Variants in ADAM12 observed in about 807,000 individuals in gnomAD.
ADAM12 encodes disintegrin and metalloproteinase domain-containing protein 12.
In ADAM12, 70 loss-of-function variants were observed where a neutral mutation model predicts 106.4. The observed-to-expected ratio is 0.66, with a 90% confidence interval of 0.54 to 0.80. The LOEUF is 0.80. ADAM12 is among the 30% of genes least tolerant of loss of function. The pLI is 0.00. For synonymous variants in ADAM12, 420 were observed against 433.5 expected, an observed-to-expected ratio of 0.97 and a Z score of 0.39; for missense variants, 1,010 against 1,171.9, an observed-to-expected ratio of 0.86 and a Z score of 2.02.
At position 126,013,124 on chromosome 10, in the gene ADAM12, A is replaced by C. The variant is rs1331042423; in HGVS notation, c.*4155T>G. 2 of 152,176 alleles carry C rather than the reference A, an allele frequency of 1.3e-5. No homozygotes were observed. Among genetic ancestry groups the C allele is most frequent in the African/African-American group, 4.8e-5 (2 of 41,430 alleles). The allele number at this position is 152,176 out of a possible 1,614,324, so 9.4% of individuals were successfully genotyped here. A position where few individuals can be genotyped will look rare whatever the true frequency, so the allele number is the denominator to read the frequency against. ...TTATTGGATATTTTAACAATTTTATAGTTATTCTTAATTTTTCTCATATGA... is the reference window on the plus strand; with the variant it reads ...TTATTGGATATTTTAACAATTTTATCGTTATTCTTAATTTTTCTCATATGA... On this transcript the variant is annotated 3_prime_UTR_variant, in exon 23 of 23. Transcript: ENST00000448723. This position sits in a 1 kb window ranked among gnomAD's most constrained non-coding sequence, Gnocchi z 4.3.
rs184093022 is a variant in ADAM12, at chr10:126,150,101, C to G, written c.339+5126G>C. On this transcript the variant is annotated intron_variant, in intron 4 of 22. Coordinates refer to ENST00000448723, the MANE Select transcript of ADAM12 (RefSeq NM_001288973.2). ...ACATTCTAGAGATGTCTGTATTAGA[C>G]AAGCACTGTTCACCATCATAGATCG... 2.0e-5 allele frequency among the ~76,000 whole-genome samples: 3 copies of G among 152,322 alleles called. No homozygotes were observed. In the East Asian group the frequency reaches 5.8e-4, roughly 29 times the overall value.
At position 126,122,880 on chromosome 10, in the gene ADAM12, G is replaced by A. The variant is rs141302176; in HGVS notation, c.417-4656C>T. ...ATTGCAACATTTTCTATTTTACATC[G>A]GATCTAAATAAGCTGAACACTTAAC... is the stretch of plus-strand genomic sequence containing the variant. On this transcript the variant is annotated intron_variant, in intron 5 of 22. Coordinates refer to ENST00000448723, the MANE Select transcript of ADAM12 (RefSeq NM_001288973.2). 2.3e-3 allele frequency among the ~76,000 whole-genome samples: 351 copies of A among 152,230 alleles called. 10 individuals carry two copies. The East Asian group carries it at 0.056, about 24-fold the overall frequency.
intron 3 of ADAM12, among the ~76,000 whole-genome samples, chr10:126,199,330 C>A (rs774763339): frequency 5.3e-5 from 8 of 152,136 alleles, no homozygotes; most frequent in Non-Finnish European, 1.2e-4. Context: ...CTGACCATCC[C>A]GCTGAAATGG....
intron 3 of ADAM12, among the ~76,000 whole-genome samples, chr10:126,229,395 A>G (rs952737394): frequency 3.9e-5 from 6 of 152,190 alleles, no homozygotes; most frequent in Admixed American, 2.0e-4. Flanking sequence ...ATTATGTTTG[A>G]TGCATTTGAA....
At chr10:126,340,872 C>T (rs532235973) in intron 1 of ADAM12, among the ~76,000 whole-genome samples, 9 of 152,084 alleles carry the variant, frequency 5.9e-5, no homozygotes, top group Non-Finnish European at 8.8e-5. Context: ...GCCCCCACCA[C>T]GCCTGGCTAA....
chr10:126,054,345 T>A (rs11815771), intron 14 of ADAM12, among the ~76,000 whole-genome samples: 1 of 152,130 alleles, frequency 6.6e-6, no homozygotes, highest in South Asian at 2.1e-4. Context: ...TAAACCTGAT[T>A]TTGTCAGGCA....
intron 3 of ADAM12, among the ~76,000 whole-genome samples, chr10:126,275,074 C>T (rs1486452098): frequency 6.6e-6 from 1 of 152,176 alleles, no homozygotes; most frequent in Non-Finnish European, 1.5e-5. Context: ...CTATGGACTT[C>T]CCATGGCAAG....
At chr10:126,290,277 A>G (rs1715331660) in intron 2 of ADAM12, among the ~76,000 whole-genome samples, 2 of 152,174 alleles carry the variant, frequency 1.3e-5, no homozygotes, top group Admixed American at 1.3e-4. Context: ...TCTCCCCCAG[A>G]GCCTCCACCA....
chr10:126,331,690 A>G (rs1854516822), intron 1 of ADAM12, among the ~76,000 whole-genome samples: 1 of 152,168 alleles, frequency 6.6e-6, no homozygotes, highest in Admixed American at 6.5e-5. Flanking sequence ...AGCCAATGGG[A>G]GAGGGCTGAG....
rs555178684 is a variant in ADAM12, at chr10:126,384,896, C to T, written c.88+3162G>A. On this transcript the variant is annotated intron_variant, in intron 1 of 22. Transcript: ENST00000448723. ...AGCATCAGATCACACAGGTTAAGGG[C>T]TCAGTCCCACAAGACTTCCCCCCAA... is the stretch of plus-strand genomic sequence containing the variant. Among the ~76,000 whole-genome samples the T allele has an allele frequency of 5.3e-5, 8 of 152,286 alleles. No individual in the cohort carries two copies. The South Asian group carries it at 1.0e-3, about 20-fold the overall frequency.
At chr10:126,126,161 T>C (rs1437536107) in intron 5 of ADAM12, among the ~76,000 whole-genome samples, 2 of 152,134 alleles carry the variant, frequency 1.3e-5, no homozygotes, top group African/African-American at 4.8e-5. Flanking sequence ...GATGTCCCAG[T>C]TGGGACCTGG....
intron 2 of ADAM12, among the ~76,000 whole-genome samples, chr10:126,288,749 CAT>C (rs1456639590): frequency 4.0e-5 from 6 of 149,198 alleles, no homozygotes; most frequent in African/African-American, 1.3e-4. Flanking sequence ...CGTGTGGTGA[CAT>C]AATGGCCCAG....
intron 2 of ADAM12, among the ~76,000 whole-genome samples, chr10:126,282,889 G>A (rs1041015019): frequency 3.3e-5 from 5 of 152,018 alleles, no homozygotes; most frequent in Admixed American, 6.6e-5. Flanking sequence ...GGATGGTTTC[G>A]GGATGATTCA....
At chr10:126,337,881 T>G (rs1303702659) in intron 1 of ADAM12, among the ~76,000 whole-genome samples, 5 of 152,188 alleles carry the variant, frequency 3.3e-5, no homozygotes, top group Admixed American at 2.6e-4. Context: ...TATGTATTTC[T>G]GGCTTTTCTA....
intron 14 of ADAM12, among the ~76,000 whole-genome samples, chr10:126,059,663 C>T (rs1225502010): frequency 2.6e-5 from 4 of 152,212 alleles, no homozygotes; most frequent in Non-Finnish European, 5.9e-5. Context: ...TAAAAATGGT[C>T]TGGTCAGCTC....
At chr10:126,352,658 A>G (rs1855402847) in intron 1 of ADAM12, among the ~76,000 whole-genome samples, 1 of 152,180 alleles carries the variant, frequency 6.6e-6, no homozygotes, top group Non-Finnish European at 1.5e-5. Flanking sequence ...GACAGTTTAC[A>G]AAGTGTTTCC....
chr10:126,382,766 A>C (rs1856538998), intron 1 of ADAM12, among the ~76,000 whole-genome samples: 1 of 152,226 alleles, frequency 6.6e-6, no homozygotes, highest in Non-Finnish European at 1.5e-5. Context: ...AGAGAATCTC[A>C]AAGCTAACAA....
At chr10:126,188,361 A>T (rs184186953) in intron 3 of ADAM12, among the ~76,000 whole-genome samples, 12 of 152,338 alleles carry the variant, frequency 7.9e-5, no homozygotes, top group Non-Finnish European at 1.8e-4. Context: ...AAAGCCTTCA[A>T]GACTCAGTGT....
In ADAM12 at chr10:126,243,268, T is replaced by C. The variant is rs569243032; in HGVS notation, c.260+35647A>G. On this transcript the variant is annotated intron_variant, in intron 3 of 22. Transcript: ENST00000448723. ...CAGCCCTTGCCAGATGTCTTATGTC[T>C]GACTCTTGGGTGTTTAGGCAGCATA... 1.6e-3 allele frequency among the ~76,000 whole-genome samples: 243 copies of C among 152,356 alleles called. 5 individuals carry two copies. Among genetic ancestry groups the C allele is most frequent in the South Asian group, 1.4e-3 (7 of 4,830 alleles).
Sources: allele counts gnomAD v4.1 joint callset (sites outside exome capture counted in the v4.1 genomes callset), GRCh38; gene constraint gnomAD v4.1.1; non-coding constraint Gnocchi (gnomAD v3.1); transcripts MANE v1.5; gene names NCBI Gene and HGNC (gene_info 2026-07-23, HGNC 2026-07-21).